The following WDR64 variants were observed in gnomAD, a reference collection of about 807,000 sequenced individuals.
The protein encoded by WDR64 is WD repeat domain 64.
A neutral mutation model predicts 139.3 loss-of-function variants in WDR64; 112 were observed. The ratio of observed to expected loss-of-function variants is 0.80; its 90% confidence interval spans 0.69 to 0.94. The LOEUF (loss-of-function observed/expected upper bound fraction) is 0.94. Ranked by LOEUF, WDR64 falls within the 40% of genes least tolerant of loss-of-function variation. The probability of loss-of-function intolerance (pLI) is 0.00; values close to 1 mark genes in which losing one functional copy is unlikely to be tolerated. For missense variants in WDR64, 1,206 were observed against 1,293.1 expected (o/e 0.93, Z 1.03); for synonymous variants, 444 against 437.7 (o/e 1.01, Z -0.18).
chr1:241,800,067 T>C (rs778647883), intron 27 of WDR64, among the ~76,000 whole-genome samples: 13 of 152,114 alleles, frequency 8.5e-5, no homozygotes, highest in Non-Finnish European at 1.2e-4. Context: ...AAACATTTGC[T>C]GAATGAAATA....
intron 15 of WDR64, among the ~76,000 whole-genome samples, chr1:241,761,109 C>A (rs1359180358): frequency 6.6e-6 from 1 of 152,090 alleles, no homozygotes; most frequent in South Asian, 2.1e-4. Context: ...CACAGCCTTG[C>A]CAGCAGTGTA....
intron 6 of WDR64, among the ~76,000 whole-genome samples, chr1:241,679,852 T>C (rs897305490): frequency 1.1e-4 from 17 of 152,232 alleles, no homozygotes; most frequent in African/African-American, 3.9e-4. Flanking sequence ...TCTTCTTTTA[T>C]ACCCTTCTCT....
intron 23 of WDR64, among the ~76,000 whole-genome samples, chr1:241,787,050 A>G (rs2148323780): frequency 6.6e-6 from 1 of 152,254 alleles, no homozygotes; most frequent in Admixed American, 6.5e-5. Context: ...ACTACAGTCT[A>G]ACTGATAAAA....
At chr1:241,747,978 A>G (rs545802483) in intron 13 of WDR64, among the ~76,000 whole-genome samples, 6 of 152,244 alleles carry the variant, frequency 3.9e-5, no homozygotes, top group African/African-American at 9.6e-5. Flanking sequence ...ACACAAAGGG[A>G]CTGTGCGTCC....
At position 241,739,584 on chromosome 1, in the gene WDR64, GC is replaced by G. The variant is rs145011701; in HGVS notation, c.1321+1096del. 9.7e-4 allele frequency among the ~76,000 whole-genome samples: 148 copies of G among 152,252 alleles called. 5 individuals are homozygous for G. In the East Asian group the frequency reaches 0.025, roughly 26 times the overall value. On this transcript the variant is annotated intron_variant, in intron 11 of 27. Transcript: ENST00000437684. ...AAAAGGAACATAATAATGACTATAA[GC>G]AAATTTTCTCTCAGTGCCCCAATTT...
At chr1:241,769,274 ATTTTC>A (rs2148297006) in intron 16 of WDR64, 125 bp from the exon 17 acceptor site, 1 of 708,286 alleles carries the variant, frequency 1.4e-6, no homozygotes, top group South Asian at 2.0e-5. Flanking sequence ...ACTTCCTTGC[ATTTTC>A]TTTTCATGTT....
intron 21 of WDR64, among the ~76,000 whole-genome samples, chr1:241,778,916 T>G (rs1411078560): frequency 6.6e-6 from 1 of 152,144 alleles, no homozygotes; most frequent in Admixed American, 6.5e-5. Flanking sequence ...GTAGATCAAT[T>G]AACAAAAATA....
chr1:241,721,955 A>AG (rs1368772667), intron 9 of WDR64, among the ~76,000 whole-genome samples: 1 of 152,124 alleles, frequency 6.6e-6, no homozygotes, highest in East Asian at 1.9e-4. Context: ...ACTGCAAAGG[A>AG]GCCTGGAAAT....
chr1:241,667,509 A>G (rs1666066621), intron 2 of WDR64, among the ~76,000 whole-genome samples: 1 of 152,182 alleles, frequency 6.6e-6, no homozygotes. Context: ...ATCCTGGATT[A>G]TCTAGGTGGG....
chr1:241,707,313 GC>G (rs1243142745), intron 8 of WDR64, among the ~76,000 whole-genome samples: 1 of 152,146 alleles, frequency 6.6e-6, no homozygotes, highest in African/African-American at 2.4e-5. Flanking sequence ...AGGCTTTGCT[GC>G]CCCTGGCAAC....
Position 241,681,306 on chromosome 1 carries a change from T to C in WDR64, c.624+1711T>C, listed in dbSNP as rs562703924. Among the ~76,000 whole-genome samples, 12 of 152,222 alleles carry C rather than the reference T, an allele frequency of 7.9e-5. No individual in the cohort carries two copies. The South Asian group carries it at 2.5e-3, about 32-fold the overall frequency. ...TTTCCCCAGAGTCCCCAAAGTCCATTGTGTCATTTTTATGCCTTTGCATCC... is the reference window on the plus strand; with the variant it reads ...TTTCCCCAGAGTCCCCAAAGTCCATCGTGTCATTTTTATGCCTTTGCATCC... On this transcript the variant is annotated intron_variant, in intron 6 of 27. Transcript: ENST00000437684.
At chr1:241,789,048 TAAAACAGTTC>T (rs1659139732) in intron 24 of WDR64, among the ~76,000 whole-genome samples, 1 of 152,212 alleles carries the variant, frequency 6.6e-6, no homozygotes, top group South Asian at 2.1e-4. Context: ...CATCTTTGTA[TAAAACAGTTC>T]ATAGCTCAGT....
chr1:241,660,682 A>C (rs1458728105), intron 2 of WDR64, 22 bp downstream of exon 2: 1 of 1,543,894 alleles, frequency 6.5e-7, no homozygotes, highest in Admixed American at 2.0e-5. Context: ...TCATGTTCAT[A>C]ATATGAAATC....
At position 241,783,575 on chromosome 1, in the gene WDR64, A is replaced by T. The variant is rs73126015; in HGVS notation, c.2705+194A>T. On this transcript the variant is annotated intron_variant, in intron 23 of 27. Coordinates refer to ENST00000437684, the MANE Select transcript of WDR64 (RefSeq NM_001367482.1). ...GGAGTTCTCTTTCATGACCAAGGAC[A>T]TGAGATGTCACATTCATCTATATTA... Among the ~76,000 whole-genome samples, 1,327 of 152,346 alleles carry T rather than the reference A, an allele frequency of 8.7e-3. 16 individuals are homozygous for T. The highest frequency in any genetic ancestry group is 0.029 in the African/African-American group (1,211 of 41,580).
chr1:241,746,969 A>G (rs575520379), intron 13 of WDR64, among the ~76,000 whole-genome samples: 2 of 152,116 alleles, frequency 1.3e-5, no homozygotes, highest in Non-Finnish European at 2.9e-5. Context: ...TATGTTGCCC[A>G]GGCTGGTCTC....
Position 241,687,546 on chromosome 1 carries a change from A to G in WDR64, c.925A>G (p.Ser309Gly), listed in dbSNP as rs942487396. Residue 309 changes from serine (S) to glycine (G), a missense_variant, in exon 8 of 28, where the codon AGT becomes GGT. By Grantham distance (56) the Ser-to-Gly change is moderately conservative (BLOSUM62 0). Transcript: ENST00000437684. Reference protein sequence around the residue: ...LNCFGSCSLDSNHSLVLESLK... With the variant: ...LNCFGSCSLDGNHSLVLESLK... ...TTGTTTTGGATCCTGCTCCTTAGAC[A>G]GTAATCATTCATTAGTTTTGGAATC... 5 of 1,613,660 alleles carry G rather than the reference A, an allele frequency of 3.1e-6. No homozygotes were observed. Among genetic ancestry groups the G allele is most frequent in the Non-Finnish European group, 4.2e-6 (5 of 1,179,782 alleles).
At chr1:241,670,830 C>T (rs373734018) in intron 2 of WDR64, among the ~76,000 whole-genome samples, 2 of 152,140 alleles carry the variant, frequency 1.3e-5, no homozygotes, top group Admixed American at 6.5e-5. Context: ...AGTTTCATCC[C>T]GAAAGCATCC....
intron 21 of WDR64, among the ~76,000 whole-genome samples, chr1:241,777,084 T>C (rs1462031277): frequency 6.6e-6 from 1 of 152,174 alleles, no homozygotes; most frequent in Non-Finnish European, 1.5e-5. Flanking sequence ...CATTACATCA[T>C]TAGTTGTTGC....
chr1:241,791,393 C>T (rs1489202137), intron 25 of WDR64, among the ~76,000 whole-genome samples: 1 of 152,160 alleles, frequency 6.6e-6, no homozygotes, highest in Non-Finnish European at 1.5e-5. Flanking sequence ...TTTATGTGGG[C>T]CGGGCACAGT....
Sources: allele counts gnomAD v4.1 joint callset (sites outside exome capture counted in the v4.1 genomes callset), GRCh38; gene constraint gnomAD v4.1.1; transcripts MANE v1.5; gene names NCBI Gene and HGNC (gene_info 2026-07-23, HGNC 2026-07-21).